COL26A1: variants seen among roughly 807,000 people sequenced by gnomAD.
The protein encoded by COL26A1 is collagen alpha-1(XXVI) chain.
A neutral mutation model predicts 59.3 loss-of-function variants in COL26A1; 41 were observed. That is an observed-to-expected ratio of 0.69 (90% CI 0.54 to 0.90). The LOEUF (loss-of-function observed/expected upper bound fraction) is 0.90. Among genes scored for constraint, COL26A1 ranks in the 40% least tolerant of loss-of-function variants. The pLI is 0.00. For missense variants in COL26A1, 612 were observed against 602.3 expected (o/e 1.02, Z -0.17); for synonymous variants, 266 against 256.0 (o/e 1.04, Z -0.37).
intron 1 of COL26A1, among the ~76,000 whole-genome samples, chr7:101,412,874 C>T (rs1407857185): frequency 6.6e-6 from 1 of 152,122 alleles, no homozygotes; most frequent in African/African-American, 2.4e-5. Context: ...AATTTTGGGG[C>T]TCCCCTGTCC....
At chr7:101,547,962 C>A (rs1021590013) in intron 8 of COL26A1, among the ~76,000 whole-genome samples, 2 of 152,232 alleles carry the variant, frequency 1.3e-5, no homozygotes, top group Non-Finnish European at 2.9e-5. Flanking sequence ...TCGAGAAACT[C>A]TCATTCTGGT....
chr7:101,540,023 G>A lies in COL26A1; in HGVS notation c.578G>A (p.Arg193Gln), dbSNP rs200435737. The A allele has an allele frequency of 1.2e-5, 19 of 1,613,330 alleles. No homozygotes were observed. Among genetic ancestry groups the A allele is most frequent in the East Asian group, 6.7e-5 (3 of 44,840 alleles). ...DAIPLAHPVPRQRRPTGPAGP... is the reference protein window; with the variant it reads ...DAIPLAHPVPQQRRPTGPAGP... ...ATCCCTCTTGCTCACCCTGTGCCAC[G>A]ACAGAGAAGGCCCACGGGCCCAGCC... The change falls in exon 5 of 13, where the codon CGA (arginine) becomes CAA (glutamine). Residue 193 changes from arginine (R) to glutamine (Q), a missense_variant. Physicochemically the swap from Arg to Gln is conservative, Grantham distance 43. Transcript: ENST00000313669.
At chr7:101,529,372 G>A (rs1157430981) in intron 3 of COL26A1, among the ~76,000 whole-genome samples, 4 of 152,062 alleles carry the variant, frequency 2.6e-5, no homozygotes, top group East Asian at 1.9e-4. Flanking sequence ...GGGTTCAAGC[G>A]ATCCTCGTGC....
intron 3 of COL26A1, among the ~76,000 whole-genome samples, chr7:101,455,743 C>T (rs1477612176): frequency 5.3e-5 from 8 of 151,284 alleles, no homozygotes; most frequent in African/African-American, 1.2e-4. Context: ...AGTGCAGTGG[C>T]GTGATCTCAG....
intron 3 of COL26A1, among the ~76,000 whole-genome samples, chr7:101,469,028 C>CTAT (rs1793831702): frequency 6.6e-6 from 1 of 152,186 alleles, no homozygotes; most frequent in African/African-American, 2.4e-5. Context: ...ACAAATGTTT[C>CTAT]CATCTCCTGA....
chr7:101,533,157 G>T lies in COL26A1; in HGVS notation c.447+14G>T. 1 of 1,590,614 alleles carries T rather than the reference G, an allele frequency of 6.3e-7. No individual in the cohort carries two copies. On this transcript the variant is annotated intron_variant, in intron 4 of 12. Coordinates refer to ENST00000313669, the MANE Select transcript of COL26A1 (RefSeq NM_001278563.3). ...CTGGAGGCCAAGGTCAGTCGGGCTG[G>T]GGAGTCTGGGCCTGGGGAGCTGCCT...
intron 1 of COL26A1, among the ~76,000 whole-genome samples, chr7:101,394,836 A>G (rs1243036689): frequency 7.8e-6 from 1 of 127,500 alleles, no homozygotes; most frequent in Non-Finnish European, 1.7e-5. Context: ...GTTGCTGTAG[A>G]TTTGTTTCCA....
intron 3 of COL26A1, among the ~76,000 whole-genome samples, chr7:101,511,760 A>G (rs1328350191): frequency 1.3e-5 from 2 of 152,326 alleles, no homozygotes; most frequent in Admixed American, 1.3e-4. Flanking sequence ...CCAGGACTGT[A>G]GGTGGGAGGA....
At chr7:101,406,422 G>A (rs1792130432) in intron 1 of COL26A1, among the ~76,000 whole-genome samples, 1 of 152,194 alleles carries the variant, frequency 6.6e-6, no homozygotes, top group African/African-American at 2.4e-5. Flanking sequence ...GACAGGAACA[G>A]CAGCCTCAGA....
intron 2 of COL26A1, among the ~76,000 whole-genome samples, chr7:101,444,320 A>C (rs2130366518): frequency 2.6e-5 from 4 of 152,118 alleles, no homozygotes; most frequent in Middle Eastern, 6.8e-3. Context: ...CAACCAAAAG[A>C]AATTATAATT....
chr7:101,371,333 C>T (rs1164665899), intron 1 of COL26A1, among the ~76,000 whole-genome samples: 2 of 152,154 alleles, frequency 1.3e-5, no homozygotes, highest in African/African-American at 4.8e-5. Flanking sequence ...TGCCTTTGCT[C>T]TCTGGTTCCC....
chr7:101,383,056 A>C (rs1242040467), intron 1 of COL26A1, among the ~76,000 whole-genome samples: 1 of 152,138 alleles, frequency 6.6e-6, no homozygotes, highest in Non-Finnish European at 1.5e-5. Context: ...AAACAAAAAC[A>C]AGAAAGAATT....
intron 1 of COL26A1, among the ~76,000 whole-genome samples, chr7:101,367,977 C>T (rs1225281137): frequency 3.1e-5 from 3 of 96,724 alleles, no homozygotes; most frequent in Non-Finnish European, 5.9e-5. Flanking sequence ...GTCTACAAGT[C>T]TCCTCCACTG....
At chr7:101,519,798 G>GA (rs1280977135) in intron 3 of COL26A1, among the ~76,000 whole-genome samples, 7 of 152,328 alleles carry the variant, frequency 4.6e-5, no homozygotes, top group African/African-American at 1.7e-4. Context: ...TGGGCGTCCA[G>GA]TGTTCCCTCC....
At chr7:101,413,314 T>G (rs1792288233) in intron 1 of COL26A1, among the ~76,000 whole-genome samples, 1 of 151,906 alleles carries the variant, frequency 6.6e-6, no homozygotes, top group Non-Finnish European at 1.5e-5. Flanking sequence ...AGGTCAGGAG[T>G]TCCAGACCAG....
intron 3 of COL26A1, among the ~76,000 whole-genome samples, chr7:101,457,585 C>T (rs571607913): frequency 4.7e-4 from 72 of 152,246 alleles, no homozygotes; most frequent in Middle Eastern, 6.8e-3. Flanking sequence ...AGACCCCCAG[C>T]GTGTGAGGTT....
chr7:101,443,901 C>G (rs1022418245), intron 2 of COL26A1, among the ~76,000 whole-genome samples: 4 of 130,094 alleles, frequency 3.1e-5, no homozygotes, highest in Admixed American at 1.8e-4. Context: ...GAGACAGGGT[C>G]TTGCTCTGTT....
intron 3 of COL26A1, among the ~76,000 whole-genome samples, chr7:101,495,641 A>C (rs10226109): frequency 0.14 from 21,573 of 150,424 alleles, 3,594 homozygotes; most frequent in African/African-American, 0.41. Context: ...GAATGGTCTC[A>C]ATCTCCTGAC....
intron 3 of COL26A1, among the ~76,000 whole-genome samples, chr7:101,502,538 C>G (rs1425406826): frequency 6.6e-6 from 1 of 152,220 alleles, no homozygotes; most frequent in African/African-American, 2.4e-5. Context: ...AAACTCCTGC[C>G]AAGCTGGAGG....
Sources: gnomAD v4.1 joint callset for allele counts (sites outside exome capture counted in the v4.1 genomes callset) on GRCh38, gnomAD v4.1.1 for gene constraint, MANE v1.5 for transcripts, NCBI Gene and HGNC (gene_info 2026-07-23, HGNC 2026-07-21) for gene names.